GRIK2: variants seen among roughly 807,000 people sequenced by gnomAD.
GRIK2 encodes the protein glutamate receptor ionotropic, kainate 2.
GRIK2 carries 32 observed loss-of-function variants against 100.3 expected under a neutral mutation model. The ratio of observed to expected loss-of-function variants is 0.32; its 90% CI spans 0.24 to 0.43. GRIK2 has a LOEUF of 0.43. GRIK2 is among the 20% of genes least tolerant of loss of function. The pLI is 1.00. For missense variants in GRIK2, 843 were observed against 1,114.9 expected, an observed-to-expected ratio of 0.76 and a Z score of 3.47; for synonymous variants, 417 against 389.4, an observed-to-expected ratio of 1.07 and a Z score of -0.83.
chr6:101,657,852 A>C (rs1220335583), intron 4 of GRIK2, among the ~76,000 whole-genome samples: 1 of 152,088 alleles, frequency 6.6e-6, no homozygotes, highest in Admixed American at 6.6e-5. Context: ...ATGCATATAG[A>C]TACATGGTAG....
chr6:101,940,330 G>T (rs138214189), intron 14 of GRIK2, among the ~76,000 whole-genome samples: 1 of 152,058 alleles, frequency 6.6e-6, no homozygotes, highest in African/African-American at 2.4e-5. Context: ...CCTAACAATT[G>T]CAAGTGGCCC....
intron 2 of GRIK2, among the ~76,000 whole-genome samples, chr6:101,410,889 G>T (rs1430609886): frequency 6.6e-6 from 1 of 152,000 alleles, no homozygotes; most frequent in African/African-American, 2.4e-5. Flanking sequence ...TAAGGTGGAG[G>T]ACAATCAGTC....
intron 15 of GRIK2, among the ~76,000 whole-genome samples, chr6:102,044,813 C>T: frequency 6.6e-6 from 1 of 151,858 alleles, no homozygotes; most frequent in African/African-American, 2.4e-5. Context: ...TTTTTTCACT[C>T]TTCCTCCAAT....
intron 7 of GRIK2, among the ~76,000 whole-genome samples, chr6:101,708,026 T>C (rs992633835): frequency 6.6e-6 from 1 of 151,718 alleles, no homozygotes. Flanking sequence ...AAAAATAATA[T>C]ATGGTTCCCA....
At chr6:101,825,045 G>GT (rs2128425227) in intron 10 of GRIK2, among the ~76,000 whole-genome samples, 1 of 152,152 alleles carries the variant, frequency 6.6e-6, no homozygotes, top group East Asian at 1.9e-4. Flanking sequence ...CATTGTGGTA[G>GT]AAGGACTGTC....
At chr6:101,934,084 A>C (rs1321849272) in intron 14 of GRIK2, among the ~76,000 whole-genome samples, 1 of 151,566 alleles carries the variant, frequency 6.6e-6, no homozygotes, top group East Asian at 1.9e-4. Flanking sequence ...TCTTCAGACA[A>C]CTTCTAAGGA....
chr6:101,643,934 A>G (rs1328285340), intron 4 of GRIK2, among the ~76,000 whole-genome samples: 3 of 151,776 alleles, frequency 2.0e-5, no homozygotes, highest in African/African-American at 7.2e-5. Flanking sequence ...ACTAACATAG[A>G]TTCTTTCTAT....
chr6:101,813,141 A>G (rs556952563), intron 9 of GRIK2, among the ~76,000 whole-genome samples: 35 of 151,866 alleles, frequency 2.3e-4, no homozygotes, highest in African/African-American at 8.0e-4. Flanking sequence ...ACATCCACAT[A>G]TACACACACA....
intron 2 of GRIK2, among the ~76,000 whole-genome samples, chr6:101,587,153 A>G (rs952448592): frequency 6.6e-6 from 1 of 152,102 alleles, no homozygotes; most frequent in Non-Finnish European, 1.5e-5. Flanking sequence ...AAAAATGAAC[A>G]GGCAAAGTTG....
In GRIK2 at chr6:101,755,161, GTTTTTT is replaced by G. The variant is rs1157640683; in HGVS notation, c.952-44469_952-44464del. On this transcript the variant is annotated intron_variant, in intron 7 of 16. Transcript: ENST00000369134. ...TCATTTCTTTTCTTTTTTCTTTTTG[GTTTTTT>G]TTTTTTTTTTTTTTTTTGAGACGGA... Among the ~76,000 whole-genome samples, 67 of 102,956 alleles carry G rather than the reference GTTTTTT, an allele frequency of 6.5e-4. 1 individual carries two copies. The highest frequency in any genetic ancestry group is 2.5e-3 in the African/African-American group (63 of 25,450). The allele number at this position is 102,956 out of a possible 152,430, so 67.5% of individuals were successfully genotyped here.
chr6:101,776,294 T>C (rs1390299402), intron 7 of GRIK2, among the ~76,000 whole-genome samples: 4 of 152,180 alleles, frequency 2.6e-5, no homozygotes. Flanking sequence ...TTGATTACCC[T>C]TATTAATTTG....
At chr6:101,945,987 CATA>C (rs1232462009) in intron 14 of GRIK2, among the ~76,000 whole-genome samples, 3 of 146,408 alleles carry the variant, frequency 2.0e-5, no homozygotes, top group Admixed American at 6.9e-5. Flanking sequence ...GATTATTAAT[CATA>C]ATCTTTAATC....
chr6:101,800,271 A>G (rs1780589168), intron 8 of GRIK2, among the ~76,000 whole-genome samples: 1 of 151,798 alleles, frequency 6.6e-6, no homozygotes, highest in Non-Finnish European at 1.5e-5. Flanking sequence ...AATTTACTCC[A>G]TGTTATATAA....
chr6:101,642,775 A>G (rs1419949030), intron 4 of GRIK2, among the ~76,000 whole-genome samples: 1 of 151,666 alleles, frequency 6.6e-6, no homozygotes, highest in Non-Finnish European at 1.5e-5. Context: ...GCTGGATCAT[A>G]TATTACTTCT....
chr6:101,586,698 A>G (rs1355751430), intron 2 of GRIK2, among the ~76,000 whole-genome samples: 1 of 150,708 alleles, frequency 6.6e-6, no homozygotes, highest in Non-Finnish European at 1.5e-5. Context: ...GCAAAACCCC[A>G]TCTCTACTAA....
intron 7 of GRIK2, among the ~76,000 whole-genome samples, chr6:101,794,259 C>T (rs563205980): frequency 4.6e-5 from 7 of 152,202 alleles, no homozygotes; most frequent in East Asian, 1.9e-4. Flanking sequence ...GAGATGAACC[C>T]GGTACCTCAG....
intron 12 of GRIK2, among the ~76,000 whole-genome samples, chr6:101,911,397 A>G (rs1788680043): frequency 6.6e-6 from 1 of 151,546 alleles, no homozygotes; most frequent in South Asian, 2.1e-4. Context: ...ATTATTATTT[A>G]TAGTTTTATA....
At chr6:101,634,901 T>C (rs1300150635) in intron 4 of GRIK2, among the ~76,000 whole-genome samples, 1 of 152,028 alleles carries the variant, frequency 6.6e-6, no homozygotes, top group Non-Finnish European at 1.5e-5. Flanking sequence ...TTTAGATACA[T>C]TTTTGTGTGC....
intron 7 of GRIK2, among the ~76,000 whole-genome samples, chr6:101,710,167 T>C (rs974258552): frequency 3.3e-5 from 5 of 151,830 alleles, no homozygotes; most frequent in Non-Finnish European, 4.4e-5. Flanking sequence ...ATGTTCCTCA[T>C]TGTGGAGTTC....
Sources: allele counts gnomAD v4.1 joint callset (sites outside exome capture counted in the v4.1 genomes callset), GRCh38; gene constraint gnomAD v4.1.1; transcripts MANE v1.5; gene names NCBI Gene and HGNC (gene_info 2026-07-23, HGNC 2026-07-21).